Variants in SHISA9 observed in about 807,000 individuals in gnomAD.
SHISA9 encodes the protein shisa family member 9.
A neutral mutation model predicts 38.0 loss-of-function variants in SHISA9; 13 were observed. That is an observed-to-expected ratio of 0.34 (90% CI 0.22 to 0.54). The LOEUF (loss-of-function observed/expected upper bound fraction) is 0.54. Among genes scored for constraint, SHISA9 ranks in the 20% least tolerant of loss-of-function variants. SHISA9 has a pLI of 0.91. For missense variants in SHISA9, 538 were observed against 575.8 expected, an observed-to-expected ratio of 0.93 and a Z score of 0.67; for synonymous variants, 275 against 242.0, an observed-to-expected ratio of 1.14 and a Z score of -1.27.
chr16:13,147,149 G>T (rs1216935633), intron 2 of SHISA9, among the ~76,000 whole-genome samples: 1 of 152,174 alleles, frequency 6.6e-6, no homozygotes, highest in Non-Finnish European at 1.5e-5. Context: ...TGCCTTTGAG[G>T]AACAGTCAGT....
the SHISA9 span, among the ~76,000 whole-genome samples, chr16:13,335,864 T>C: frequency 1.3e-5 from 2 of 152,320 alleles, no homozygotes; most frequent in South Asian, 4.1e-4. Context: ...CCCTGGTGTC[T>C]ACAGAAGAAA....
chr16:12,990,398 C>T (rs2072369714), intron 2 of SHISA9, among the ~76,000 whole-genome samples: 1 of 152,208 alleles, frequency 6.6e-6, no homozygotes, highest in Admixed American at 6.5e-5. Flanking sequence ...ACACTCCCAC[C>T]AACAGTGTAA....
At chr16:13,420,245 C>CAGAAAAA in the SHISA9 span, among the ~76,000 whole-genome samples, 1 of 50,392 alleles carries the variant, frequency 2.0e-5, no homozygotes. Context: ...GAATCTGTTT[C>CAGAAAAA]AAAAAAAAAA....
At chr16:13,054,121 GT>G (rs1279578408) in intron 2 of SHISA9, among the ~76,000 whole-genome samples, 1 of 152,178 alleles carries the variant, frequency 6.6e-6, no homozygotes, top group Non-Finnish European at 1.5e-5. Context: ...CTATTAGAAT[GT>G]AACTTCCATG....
At chr16:13,119,500 A>G (rs1396083529) in intron 2 of SHISA9, among the ~76,000 whole-genome samples, 1 of 152,218 alleles carries the variant, frequency 6.6e-6, no homozygotes. Context: ...AATAATAATG[A>G]TCATTTATAT....
chr16:13,313,835 C>T, the SHISA9 span, among the ~76,000 whole-genome samples: 6 of 152,236 alleles, frequency 3.9e-5, no homozygotes, highest in South Asian at 1.2e-3. Flanking sequence ...TTTGTCACAA[C>T]CTTCTTCATT....
At chr16:13,511,253 T>A in the SHISA9 span, among the ~76,000 whole-genome samples, 3 of 152,220 alleles carry the variant, frequency 2.0e-5, no homozygotes, top group Non-Finnish European at 4.4e-5. Flanking sequence ...TTGCTAGATA[T>A]AGGGAATTCA....
At chr16:12,964,201 G>A (rs2071948630) in intron 2 of SHISA9, among the ~76,000 whole-genome samples, 2 of 152,144 alleles carry the variant, frequency 1.3e-5, no homozygotes, top group Admixed American at 6.5e-5. Flanking sequence ...AGATGGAGCT[G>A]ATCTTGAAGG....
chr16:13,348,503 G>C, the SHISA9 span, among the ~76,000 whole-genome samples: 1 of 151,932 alleles, frequency 6.6e-6, no homozygotes, highest in East Asian at 2.0e-4. Context: ...TACCCTGGTT[G>C]AGTAATTTGC....
the SHISA9 span, chr16:13,458,696 T>TAA: frequency 8.4e-6 from 2 of 237,834 alleles, no homozygotes; most frequent in South Asian, 5.2e-5. Flanking sequence ...CTTGAGGATG[T>TAA]AAAAAAAAAA....
the SHISA9 span, among the ~76,000 whole-genome samples, chr16:13,428,366 T>C: frequency 7.9e-5 from 12 of 152,306 alleles, no homozygotes; most frequent in Admixed American, 2.0e-4. Flanking sequence ...ATTTCATCAG[T>C]GGAGCCCTCC....
chr16:12,944,660 C>CCTAA (rs2071666066), intron 2 of SHISA9, among the ~76,000 whole-genome samples: 1 of 152,098 alleles, frequency 6.6e-6, no homozygotes, highest in Admixed American at 6.6e-5. Context: ...GTTCTTGGAG[C>CCTAA]CTAAGTTCTC....
chr16:13,343,769 A>G, the SHISA9 span, among the ~76,000 whole-genome samples: 10 of 152,178 alleles, frequency 6.6e-5, no homozygotes, highest in Admixed American at 6.5e-4. Context: ...AGGCTGACTA[A>G]TTATATTAGG....
At chr16:13,480,679 C>G in the SHISA9 span, among the ~76,000 whole-genome samples, 6 of 152,188 alleles carry the variant, frequency 3.9e-5, no homozygotes, top group African/African-American at 1.4e-4. Context: ...CTATCAGCCT[C>G]TCATCCAAGC....
intron 2 of SHISA9, among the ~76,000 whole-genome samples, chr16:12,930,093 C>T (rs1420829773): frequency 1.3e-5 from 2 of 152,220 alleles, no homozygotes; most frequent in East Asian, 1.9e-4. Context: ...GCTCCTTTCA[C>T]ATTTTCCCCA....
At chr16:13,243,250 AAAAG>A (rs202221908), downstream of SHISA9, among the ~76,000 whole-genome samples, 4,737 of 150,894 alleles carry the variant, frequency 0.031, 132 homozygotes, top group African/African-American at 0.077. Context: ...CAAAAAAAAA[AAAAG>A]AAAGAAAGTT....
chr16:13,013,512 G>T (rs540383958), intron 2 of SHISA9, among the ~76,000 whole-genome samples: 1 of 152,096 alleles, frequency 6.6e-6, no homozygotes, highest in Non-Finnish European at 1.5e-5. Context: ...TAGGGATCAC[G>T]GTCAGTTTGC....
At chr16:13,363,754 C>A in the SHISA9 span, among the ~76,000 whole-genome samples, 1 of 152,152 alleles carries the variant, frequency 6.6e-6, no homozygotes, top group African/African-American at 2.4e-5. Context: ...GCATGCATTG[C>A]TTGGTGGTTT....
the SHISA9 span, among the ~76,000 whole-genome samples, chr16:13,478,084 C>T: frequency 6.6e-6 from 1 of 152,218 alleles, no homozygotes. Context: ...ATCGCATTTT[C>T]CTCTGAAATC....
Sources: gnomAD v4.1 joint callset for allele counts (sites outside exome capture counted in the v4.1 genomes callset) on GRCh38, gnomAD v4.1.1 for gene constraint, MANE v1.5 for transcripts, NCBI Gene and HGNC (gene_info 2026-07-23, HGNC 2026-07-21) for gene names.